Variants in RASAL2 observed in about 807,000 individuals in gnomAD.
RASAL2 encodes RAS protein activator like 2.
A neutral mutation model predicts 128.9 loss-of-function variants in RASAL2; 58 were observed. The observed-to-expected ratio is 0.45, with a 90% CI of 0.36 to 0.56. The LOEUF (loss-of-function observed/expected upper bound fraction) is 0.56, where lower values mean the gene tolerates loss of function less well. RASAL2 is among the 20% of genes least tolerant of loss of function. RASAL2 has a pLI of 0.00. For synonymous variants in RASAL2, 561 were observed against 580.8 expected, an observed-to-expected ratio of 0.97 and a Z score of 0.49; for missense variants, 1,360 against 1,601.6, an observed-to-expected ratio of 0.85 and a Z score of 2.57.
chr1:178,204,996 G>A, intron 1 of RASAL2, among the ~76,000 whole-genome samples: 1 of 152,250 alleles, frequency 6.6e-6, no homozygotes, highest in East Asian at 1.9e-4. Flanking sequence ...TGGTGTCAAA[G>A]CATCTTTGCT....
chr1:178,266,304 A>C (rs184159825), intron 1 of RASAL2, among the ~76,000 whole-genome samples: 4 of 152,186 alleles, frequency 2.6e-5, no homozygotes, highest in Non-Finnish European at 5.9e-5. Context: ...TGTGGCCTTA[A>C]TTTGCATTTC....
chr1:178,177,558 C>G (rs1205397250), intron 1 of RASAL2, among the ~76,000 whole-genome samples: 1 of 152,098 alleles, frequency 6.6e-6, no homozygotes, highest in African/African-American at 2.4e-5. Context: ...GGAACAGTAC[C>G]TTCACTGGGA....
At chr1:178,126,720 A>G (rs561935993) in intron 1 of RASAL2, among the ~76,000 whole-genome samples, 63 of 152,328 alleles carry the variant, frequency 4.1e-4, no homozygotes, top group Middle Eastern at 3.4e-3. Flanking sequence ...GTTGTTCTTC[A>G]TATTCCATGG....
At chr1:178,161,140 A>T (rs1038119546) in intron 1 of RASAL2, among the ~76,000 whole-genome samples, 1 of 151,994 alleles carries the variant, frequency 6.6e-6, no homozygotes, top group East Asian at 1.9e-4. Context: ...AGTTAAATAC[A>T]GTACTTTTTT....
At chr1:178,198,860 C>T (rs1662765462) in intron 1 of RASAL2, among the ~76,000 whole-genome samples, 1 of 152,162 alleles carries the variant, frequency 6.6e-6, no homozygotes, top group Non-Finnish European at 1.5e-5. Context: ...AGCTGTCAGA[C>T]AGGAACGTTT....
intron 1 of RASAL2, among the ~76,000 whole-genome samples, chr1:178,165,335 T>C (rs1385380061): frequency 6.6e-6 from 1 of 152,196 alleles, no homozygotes; most frequent in East Asian, 1.9e-4. Flanking sequence ...AAGTTGTATC[T>C]GTACTTATCA....
rs527287726 is a variant in RASAL2, at chr1:178,372,079, C to G, written c.458-18021C>G. 9 of 801,716 alleles carry G rather than the reference C, an allele frequency of 1.1e-5. No homozygotes were observed. The East Asian group carries it at 1.0e-3, about 90-fold the overall frequency. The allele number at this position is 801,716 out of a possible 1,614,324, so 49.7% of individuals were successfully genotyped here. A position where few individuals can be genotyped will look rare whatever the true frequency, so the allele number is the denominator to read the frequency against. On this transcript the variant is annotated intron_variant, in intron 3 of 17. Transcript: ENST00000367649. ...TTGTATTAGATTGATGTCACAGAGA[C>G]AGAATTCAGAGTGGAGGGAGGATCA... is the stretch of plus-strand genomic sequence containing the variant.
intron 15 of RASAL2, among the ~76,000 whole-genome samples, chr1:178,464,828 G>GTTTTTT (rs1647484895): frequency 2.9e-5 from 1 of 34,440 alleles, no homozygotes; most frequent in Admixed American, 2.3e-4. Context: ...TTTGGTTTTA[G>GTTTTTT]TTGTTTTTTT....
intron 1 of RASAL2, among the ~76,000 whole-genome samples, chr1:178,122,096 G>C (rs1361542749): frequency 6.6e-6 from 1 of 152,038 alleles, no homozygotes; most frequent in African/African-American, 2.4e-5. Flanking sequence ...CAAAGGACAT[G>C]CTGAGTCTTT....
intron 8 of RASAL2, among the ~76,000 whole-genome samples, chr1:178,445,143 A>G (rs1304580580): frequency 2.5e-5 from 3 of 120,850 alleles, no homozygotes; most frequent in South Asian, 2.3e-4. Context: ...CAGTATTTGG[A>G]AAAAAAAAAA....
chr1:178,268,448 C>G (rs992057606), intron 1 of RASAL2, among the ~76,000 whole-genome samples: 7 of 151,804 alleles, frequency 4.6e-5, no homozygotes, highest in African/African-American at 1.7e-4. Context: ...AGCCTGGCAA[C>G]AGAGCGAGCC....
intron 2 of RASAL2, among the ~76,000 whole-genome samples, chr1:178,290,605 ATTCAC>A (rs902430261): frequency 3.3e-5 from 5 of 152,366 alleles, no homozygotes; most frequent in Admixed American, 3.3e-4. Flanking sequence ...CTGATGAATT[ATTCAC>A]TTTAAAATAG....
intron 4 of RASAL2, among the ~76,000 whole-genome samples, chr1:178,392,332 G>C (rs1035644090): frequency 6.6e-6 from 1 of 152,252 alleles, no homozygotes; most frequent in East Asian, 1.9e-4. Context: ...CAGGCTGTGG[G>C]AATGGCATTT....
intron 1 of RASAL2, among the ~76,000 whole-genome samples, chr1:178,222,921 G>A (rs763720119): frequency 1.3e-5 from 2 of 151,644 alleles, no homozygotes; most frequent in South Asian, 2.1e-4. Flanking sequence ...TTAATATTCT[G>A]TCCATATCCT....
At chr1:178,189,152 C>A (rs961998381) in intron 1 of RASAL2, among the ~76,000 whole-genome samples, 1 of 152,170 alleles carries the variant, frequency 6.6e-6, no homozygotes, top group African/African-American at 2.4e-5. Context: ...TCCCAAACTA[C>A]TATTTTATGG....
intron 3 of RASAL2, chr1:178,341,558 C>T (rs746863391): frequency 1.1e-5 from 17 of 1,613,514 alleles, no homozygotes; most frequent in East Asian, 2.2e-5. Context: ...ACTGGCGTGC[C>T]GGAAAGATCA....
At chr1:178,239,777 G>A (rs533172066) in intron 1 of RASAL2, among the ~76,000 whole-genome samples, 14 of 151,912 alleles carry the variant, frequency 9.2e-5, no homozygotes, top group Non-Finnish European at 1.8e-4. Flanking sequence ...ATGTGGACAC[G>A]TTAGGCACTG....
intron 3 of RASAL2, among the ~76,000 whole-genome samples, chr1:178,318,264 A>C (rs1406105644): frequency 1.4e-5 from 2 of 140,288 alleles, no homozygotes; most frequent in East Asian, 4.2e-4. Flanking sequence ...AAAAATGTAT[A>C]TTCTGTTGAT....
chr1:178,458,099 T>G lies in RASAL2; in HGVS notation c.2807T>G (p.Met936Arg). The G allele has an allele frequency of 6.2e-7, 1 of 1,614,182 alleles. No individual in the cohort carries two copies. Among genetic ancestry groups the G allele is most frequent in the Non-Finnish European group, 8.5e-7 (1 of 1,180,034 alleles). ...CACCTCAATAACCCAATTCCAGCAA[T>G]GCCAAAGGCCTCTATAGATTCCAGT... ...VYHLNNPIPA[M>R]PKASIDSSLE... The change falls in exon 14 of 18, where the codon ATG becomes AGG. Residue 936 changes from methionine (M) to arginine (R), a missense_variant. By Grantham distance (91) the Met-to-Arg change is moderately conservative. Around this residue, in one of 3 missense-constraint regions of RASAL2, gnomAD observed 741 missense variants for 868.6 expected, o/e 0.85. Transcript: ENST00000367649.
Sources: allele counts gnomAD v4.1 joint callset (sites outside exome capture counted in the v4.1 genomes callset), GRCh38; gene constraint gnomAD v4.1.1; regional missense constraint gnomAD v4.1.1; transcripts MANE v1.5; gene names NCBI Gene and HGNC (gene_info 2026-07-23, HGNC 2026-07-21).